MAP3K15: variants seen among roughly 807,000 people sequenced by gnomAD.
MAP3K15 encodes mitogen-activated protein kinase kinase kinase 15, also known as MAPK/ERK kinase kinase 15.
In MAP3K15, 124 loss-of-function variants were observed where a neutral mutation model predicts 99.5. That is an observed-to-expected ratio of 1.25 (90% CI 1.08 to 1.45). MAP3K15 has a LOEUF of 1.45. Among genes scored for constraint, MAP3K15 ranks in the 40% most tolerant of loss-of-function variants. The pLI is 0.00. For missense variants in MAP3K15, 1,242 were observed against 1,079.7 expected, an observed-to-expected ratio of 1.15 and a Z score of -2.11; for synonymous variants, 494 against 439.6, an observed-to-expected ratio of 1.12 and a Z score of -1.55.
intron 3 of MAP3K15, chrX:19,482,044 G>A (rs749244049): frequency 9.2e-6 from 1 of 108,641 alleles, no homozygotes; most frequent in African/African-American, 3.4e-5. Flanking sequence ...GCCAGGCGTG[G>A]TGGTGGGCGC....
chrX:19,480,373 T>C (rs188151882), intron 3 of MAP3K15, among the ~76,000 whole-genome samples: 6 of 111,311 alleles, frequency 5.4e-5, no homozygotes, highest in Admixed American at 2.9e-4. Context: ...CACTTCCAAA[T>C]TTCAAAAATT....
At chrX:19,453,151 T>C (rs1350488033) in intron 6 of MAP3K15, among the ~76,000 whole-genome samples, 1 of 111,638 alleles carries the variant, frequency 9.0e-6, no homozygotes, top group Non-Finnish European at 1.9e-5. Flanking sequence ...TACTGAACTA[T>C]ATGCTTAAAA....
intron 9 of MAP3K15, among the ~76,000 whole-genome samples, chrX:19,423,630 G>A (rs1223145299): frequency 8.9e-6 from 1 of 111,854 alleles, no homozygotes; most frequent in East Asian, 2.8e-4. Flanking sequence ...CGACTTGCTT[G>A]GGCACTCAGC....
rs1451216236 is a variant in MAP3K15 at position 19,360,550 on chromosome X, A to ATACACAC, written c.*192_*198dup. On this transcript the variant is annotated 3_prime_UTR_variant, in exon 29 of 29. Transcript: ENST00000338883. ...AAAACCAAGGCTCACTGTTTTCACA[A>ATACACAC]TACACACAGTTCTATGTTTATAAAT... is the stretch of plus-strand genomic sequence containing the variant. 2.7e-6 allele frequency: 1 copy of ATACACAC among 365,826 alleles called. No homozygotes were observed. Among genetic ancestry groups the ATACACAC allele is most frequent in the Non-Finnish European group, 4.7e-6 (1 of 211,106 alleles). The allele number at this position is 365,826 out of a possible 1,213,427, so 30.1% of individuals were successfully genotyped here.
rs760248755 is a variant in MAP3K15, at chrX:19,460,152, C to A, written c.721G>T (p.Val241Phe). The change falls in exon 5 of 29, where the codon GTT (valine) becomes TTT (phenylalanine). Residue 241 changes from valine (V) to phenylalanine (F), a missense_variant and splice_region_variant. Val to Phe is a conservative substitution (Grantham distance 50). Coordinates refer to ENST00000338883, the MANE Select transcript of MAP3K15 (RefSeq NM_001001671.4). ...LLKDIHVTSC[V>F]YYKETLLNDI... ...TTTAACAAGGTTTCTTTGTAATAAA[C>A]ACTATAGAAAGAAAAACACAAAATC... The A allele has an allele frequency of 6.0e-6, 7 of 1,174,106 alleles. No homozygotes were observed. Among genetic ancestry groups the A allele is most frequent in the South Asian group, 5.7e-5 (3 of 52,658 alleles).
chrX:19,368,818 T>C (rs1467775704), intron 25 of MAP3K15, among the ~76,000 whole-genome samples: 14 of 108,477 alleles, frequency 1.3e-4, no homozygotes, highest in African/African-American at 4.4e-4. Context: ...GGCAAGGTAC[T>C]ATATATACCT....
rs1038907188 is a variant in MAP3K15, at chrX:19,419,812, G to A, written c.1440-4555C>T. Among the ~76,000 whole-genome samples the A allele has an allele frequency of 7.2e-5, 8 of 111,784 alleles. No homozygotes were observed. The South Asian group carries it at 1.1e-3, about 16-fold the overall frequency. The stretch of plus-strand genomic sequence containing the variant: ...AAGTAAAGCACTCCTTAGCAAATGT[G>A]AAAGAACAGAAATTATAACAAACTC... On this transcript the variant is annotated intron_variant, in intron 9 of 28. Transcript: ENST00000338883.
chrX:19,508,737 C>A (rs191467450), intron 1 of MAP3K15, among the ~76,000 whole-genome samples: 184 of 108,907 alleles, frequency 1.7e-3, no homozygotes, highest in African/African-American at 5.9e-3. Context: ...AAACAAAATG[C>A]GCCAGGGGTG....
chrX:19,362,582 G>A (rs1376134546), intron 26 of MAP3K15, among the ~76,000 whole-genome samples, 156 bp downstream of exon 26: 1 of 111,063 alleles, frequency 9.0e-6, no homozygotes, highest in Non-Finnish European at 1.9e-5. Context: ...ATGCAGCCAT[G>A]TTGTTGAATC....
chrX:19,459,947 C>T (rs758521620), intron 5 of MAP3K15, 38 bp downstream of exon 5: 40 of 1,060,426 alleles, frequency 3.8e-5, no homozygotes, highest in Non-Finnish European at 4.6e-5. Flanking sequence ...CAAGGAAGAA[C>T]GTAGCATACG....
chrX:19,417,710 G>A lies in MAP3K15; in HGVS notation c.1440-2453C>T, dbSNP rs779886528. Among the ~76,000 whole-genome samples, 30 of 111,811 alleles carry A rather than the reference G, an allele frequency of 2.7e-4. No homozygotes were observed. In the East Asian group the frequency reaches 4.8e-3, roughly 18 times the overall value. The stretch of plus-strand genomic sequence containing the variant: ...AAGAGAGTAGTGGTTCTCCCAGCAC[G>A]CAGCTCGAGATCTGAGAATGGACAG... On this transcript the variant is annotated intron_variant, in intron 9 of 28. Transcript: ENST00000338883.
chrX:19,392,098 C>T lies in MAP3K15; in HGVS notation c.2335G>A (p.Val779Ile). The change falls in exon 18 of 29, where the codon GTT (valine) becomes ATT (isoleucine). Residue 779 changes from valine to isoleucine, a missense_variant. Val to Ile is a conservative substitution (Grantham distance 29). Coordinates refer to ENST00000338883, the MANE Select transcript of MAP3K15 (RefSeq NM_001001671.4). ...ACTCCGCTGTAGGTGTTCACCAGAA[C>T]ATTATCGCCCTTCGGAAAATAACAT... is the stretch of plus-strand genomic sequence containing the variant. ...IVHRDIKGDN[V>I]LVNTYSGVVK... The T allele has an allele frequency of 8.3e-7, 1 of 1,204,918 alleles. No homozygotes were observed. The highest frequency in any genetic ancestry group is 1.8e-5 in the South Asian group (1 of 56,490).
chrX:19,384,356 G>A (rs1309966004), intron 18 of MAP3K15, among the ~76,000 whole-genome samples: 1 of 109,922 alleles, frequency 9.1e-6, no homozygotes, highest in Admixed American at 9.8e-5. Flanking sequence ...AGTGGGGACT[G>A]GGGGAAGGTG....
intron 1 of MAP3K15, chrX:19,496,704 T>G (rs2064405136): frequency 9.0e-6 from 1 of 111,619 alleles, no homozygotes; most frequent in South Asian, 3.8e-4. Flanking sequence ...CTTGTTAAAA[T>G]GAATGTCAGC....
intron 2 of MAP3K15, among the ~76,000 whole-genome samples, chrX:19,487,512 ACTAT>A (rs923076710): frequency 8.9e-6 from 1 of 112,145 alleles, no homozygotes; most frequent in Non-Finnish European, 1.9e-5. Context: ...TCAATATCTA[ACTAT>A]CTAATGTAAT....
chrX:19,393,221 T>G (rs903809711), intron 16 of MAP3K15, among the ~76,000 whole-genome samples: 9 of 111,364 alleles, frequency 8.1e-5, no homozygotes, highest in Non-Finnish European at 1.1e-4. Context: ...TTACACAGTG[T>G]TATGGGACCT....
intron 3 of MAP3K15, among the ~76,000 whole-genome samples, chrX:19,472,226 AAAT>A (rs202068828): frequency 1.2e-3 from 118 of 97,441 alleles, no homozygotes; most frequent in African/African-American, 3.9e-3. Flanking sequence ...TCTGTCTCAA[AAAT>A]AATAATAATA....
intron 1 of MAP3K15, among the ~76,000 whole-genome samples, chrX:19,494,732 C>A (rs759923626): frequency 5.5e-5 from 6 of 109,813 alleles, no homozygotes; most frequent in Non-Finnish European, 9.5e-5. Flanking sequence ...TAACTCCCTG[C>A]AGAAAAAAAA....
chrX:19,392,518 C>A (rs770882849), intron 16 of MAP3K15, 45 bp from the exon 17 acceptor site: 1 of 1,175,539 alleles, frequency 8.5e-7, no homozygotes, highest in Non-Finnish European at 1.1e-6. Context: ...GAGAAAGTTT[C>A]AATAAAAGTT....
Sources: gnomAD v4.1 joint callset for allele counts (sites outside exome capture counted in the v4.1 genomes callset) on GRCh38, gnomAD v4.1.1 for gene constraint, MANE v1.5 for transcripts, NCBI Gene and HGNC (gene_info 2026-07-23, HGNC 2026-07-21) for gene names.